The following ZNF805 variants were observed in gnomAD, a reference collection of about 807,000 sequenced individuals.
ZNF805 encodes the protein CTC-444N24.8.
In ZNF805, 7 loss-of-function variants were observed where a neutral mutation model predicts 13.6. The observed-to-expected ratio is 0.51, with a 90% CI of 0.29 to 0.97. The LOEUF is 0.97. ZNF805 is among the 50% of genes least tolerant of loss of function. ZNF805 has a pLI of 0.08. For missense variants in ZNF805, 604 were observed against 771.0 expected, an observed-to-expected ratio of 0.78 and a Z score of 2.57; for synonymous variants, 293 against 279.8, an observed-to-expected ratio of 1.05 and a Z score of -0.47.
rs760646863 is a variant in ZNF805 at position 57,244,002 on chromosome 19, T to C, written c.110T>C (p.Leu37Pro). 1 of 1,614,156 alleles carries C rather than the reference T, an allele frequency of 6.2e-7. No individual in the cohort carries two copies. Among genetic ancestry groups the C allele is most frequent in the South Asian group, 1.1e-5 (1 of 91,088 alleles). The change falls in exon 2 of 4, where the codon CTG becomes CCG. Residue 37 changes from leucine to proline, a missense_variant. Physicochemically the swap from Leu to Pro is moderately conservative, Grantham distance 98 (BLOSUM62 -3). Transcript: ENST00000414468. Reference protein sequence around the residue: ...WGQLDLAQRTLYQEVMLENCG... With the variant: ...WGQLDLAQRTPYQEVMLENCG... ...CAGCTGGACCTAGCTCAGCGGACCC[T>C]GTACCAGGAGGTGATGCTGGAAAAC...
chr19:57,244,690 A>G (rs540674567), intron 2 of ZNF805, among the ~76,000 whole-genome samples: 1 of 152,270 alleles, frequency 6.6e-6, no homozygotes, highest in Non-Finnish European at 1.5e-5. Flanking sequence ...GAGAACCGCC[A>G]CGATGGGGTC....
rs911157034 is a variant in ZNF805, at chr19:57,257,697, T to A, written c.*2994T>A. Among the ~76,000 whole-genome samples, 1 of 120,106 alleles carries A rather than the reference T, an allele frequency of 8.3e-6. No individual in the cohort carries two copies. Among genetic ancestry groups the A allele is most frequent in the Non-Finnish European group, 1.7e-5 (1 of 57,836 alleles). The allele number at this position is 120,106 out of a possible 152,430, so 78.8% of individuals were successfully genotyped here. On this transcript the variant is annotated 3_prime_UTR_variant, in exon 4 of 4. Coordinates refer to ENST00000414468, the MANE Select transcript of ZNF805 (RefSeq NM_001023563.4). ...TGTGGTTTTATATCCAGTTTGCGTA[T>A]CTTTTTTTTTTTTTTTTTTTTTTTT...
Position 57,253,198 on chromosome 19 carries a change from G to T in ZNF805, c.379G>T (p.Asp127Tyr). ...SGDSQLGQPK[D>Y]QDGFSEMQGE... ...GGACTCCCAGTTGGGGCAACCCAAGGATCAGGATGGGTTTTCAGAAATGCA... is the reference window on the plus strand; with the variant it reads ...GGACTCCCAGTTGGGGCAACCCAAGTATCAGGATGGGTTTTCAGAAATGCA... The change falls in exon 4 of 4, where the codon GAT (aspartate) becomes TAT (tyrosine). Residue 127 changes from aspartate (D) to tyrosine (Y), a missense_variant. Around this residue, in one of 3 missense-constraint regions of ZNF805, gnomAD observed 327 missense variants for 378.2 expected, o/e 0.86. Transcript: ENST00000414468. The surrounding 1 kb of genome is among the most constrained non-coding windows in gnomAD (Gnocchi z 4.4). The T allele has an allele frequency of 1.9e-6, 3 of 1,561,752 alleles. No homozygotes were observed. The African/African-American group carries it at 4.1e-5, about 21-fold the overall frequency.
intron 3 of ZNF805, among the ~76,000 whole-genome samples, chr19:57,251,849 A>G (rs943071815): frequency 1.3e-5 from 2 of 152,162 alleles, no homozygotes; most frequent in Non-Finnish European, 2.9e-5. Flanking sequence ...TTCTAGCTCT[A>G]ATTCCTTAGT....
chr19:57,247,651 A>C (rs920368327), intron 2 of ZNF805, among the ~76,000 whole-genome samples: 1 of 152,126 alleles, frequency 6.6e-6, no homozygotes, highest in Admixed American at 6.5e-5. Flanking sequence ...CACCAGTACT[A>C]TTACCGTCGT....
intron 3 of ZNF805, among the ~76,000 whole-genome samples, chr19:57,250,795 A>G (rs2087647248): frequency 6.6e-6 from 1 of 151,826 alleles, no homozygotes; most frequent in East Asian, 1.9e-4. Flanking sequence ...ATTCCTCTCA[A>G]CCTCTCATAT....
rs1372306484 is a variant in ZNF805, at chr19:57,240,842, C to G, written c.-50C>G. ...TGGGGCTCGGCTGAGCCCGCGAGAC[C>G]CGCCCTGCTCGCCGCAGCCCCCGCC... is the stretch of plus-strand genomic sequence containing the variant. On this transcript the variant is annotated 5_prime_UTR_variant, in exon 1 of 4. Coordinates refer to ENST00000414468, the MANE Select transcript of ZNF805 (RefSeq NM_001023563.4). The G allele has an allele frequency of 1.3e-6, 2 of 1,537,080 alleles. No homozygotes were observed. The highest frequency in any genetic ancestry group is 1.2e-5 in the South Asian group (1 of 83,102).
At position 57,259,332 on chromosome 19, in the gene ZNF805, C is replaced by G. The variant is rs967072912; in HGVS notation, c.*4629C>G. ...GTCTCTTGTGCTTTCATGTTTACCC[C>G]CTTTTTCTGGTCTATTTTTCCCTTT... is the stretch of plus-strand genomic sequence containing the variant. On this transcript the variant is annotated 3_prime_UTR_variant, in exon 4 of 4. Transcript: ENST00000414468. Among the ~76,000 whole-genome samples the G allele has an allele frequency of 4.0e-5, 6 of 151,696 alleles. No individual in the cohort carries two copies. Among genetic ancestry groups the G allele is most frequent in the African/African-American group, 1.5e-4 (6 of 41,274 alleles).
rs976697844 is a variant in ZNF805, at chr19:57,261,836, C to G, written c.*7133C>G. 3.6e-5 allele frequency: 6 copies of G among 167,152 alleles called. No individual in the cohort carries two copies. The highest frequency in any genetic ancestry group is 1.4e-4 in the African/African-American group (6 of 41,550). 10.4% of individuals were successfully genotyped at this position (167,152 alleles called of 1,614,324 possible). A position where few individuals can be genotyped will look rare whatever the true frequency, so the allele number is the denominator to read the frequency against. On this transcript the variant is annotated 3_prime_UTR_variant, in exon 4 of 4. Coordinates refer to ENST00000414468, the MANE Select transcript of ZNF805 (RefSeq NM_001023563.4). Reference sequence around the variant, plus strand: ...CCACACCGAAAGAATCCAGAGCAAACTCAGCAAAAGGCTCAAACCCAAGTC... The same window carrying G: ...CCACACCGAAAGAATCCAGAGCAAAGTCAGCAAAAGGCTCAAACCCAAGTC...
Position 57,245,581 on chromosome 19 carries a change from C to T in ZNF805, c.157+1532C>T, listed in dbSNP as rs377708697. On this transcript the variant is annotated intron_variant, in intron 2 of 3. Transcript: ENST00000414468. ...GATCACAAGGTCAGGAGATAGAGAC[C>T]ATCCTGGCTAACACGGTGCAACCCT... Among the ~76,000 whole-genome samples, 988 of 149,016 alleles carry T rather than the reference C, an allele frequency of 6.6e-3. 13 individuals carry two copies. Among genetic ancestry groups the T allele is most frequent in the African/African-American group, 0.021 (842 of 40,104 alleles).
chr19:57,243,178 T>A (rs1352455587), intron 1 of ZNF805, among the ~76,000 whole-genome samples: 2 of 152,158 alleles, frequency 1.3e-5, no homozygotes, highest in Non-Finnish European at 2.9e-5. Flanking sequence ...AGCATGCCAT[T>A]ACACTCCAGT....
intron 2 of ZNF805, among the ~76,000 whole-genome samples, chr19:57,246,851 C>T (rs1028987415): frequency 6.6e-6 from 1 of 152,054 alleles, no homozygotes; most frequent in African/African-American, 2.4e-5. Flanking sequence ...CAGGCCTGTT[C>T]CAGGCAGTGT....
chr19:57,252,614 G>T (rs907926867), intron 3 of ZNF805, among the ~76,000 whole-genome samples: 12 of 152,140 alleles, frequency 7.9e-5, no homozygotes, highest in Non-Finnish European at 1.5e-4. Flanking sequence ...CACAAGCACG[G>T]TTAATCGAGA....
At chr19:57,245,684 C>T (rs867780210) in intron 2 of ZNF805, among the ~76,000 whole-genome samples, 17 of 151,062 alleles carry the variant, frequency 1.1e-4, no homozygotes, top group East Asian at 2.0e-4. Context: ...GAGGCTGAGG[C>T]AGGAGAATGG....
rs1161701951 is a variant in ZNF805, at chr19:57,254,092, A to G, written c.1273A>G (p.Lys425Glu). Reference sequence around the variant, plus strand: ...GCACCAGCGGATTCACACTGGGGAGAAGCCATATGTGTGTAGTGAATGCGG... The same window carrying G: ...GCACCAGCGGATTCACACTGGGGAGGAGCCATATGTGTGTAGTGAATGCGG... ...KRHQRIHTGE[K>E]PYVCSECGKA... The change falls in exon 4 of 4, where the codon AAG becomes GAG. Residue 425 changes from lysine to glutamate, a missense_variant. By Grantham distance (56) the Lys-to-Glu change is moderately conservative (BLOSUM62 1). This residue lies in a region of ZNF805 where 228 missense variants were observed against 352.8 expected (regional missense o/e 0.65). Coordinates refer to ENST00000414468, the MANE Select transcript of ZNF805 (RefSeq NM_001023563.4). 8.7e-6 allele frequency: 14 copies of G among 1,613,456 alleles called. No individual in the cohort carries two copies. In the Admixed American group the frequency reaches 1.0e-4, roughly 12 times the overall value.
rs746261246 is a variant in ZNF805 at position 57,253,858 on chromosome 19, G to A, written c.1039G>A (p.Glu347Lys). 2.5e-6 allele frequency: 4 copies of A among 1,614,138 alleles called. 1 individual carries two copies. Among genetic ancestry groups the A allele is most frequent in the South Asian group, 2.2e-5 (2 of 91,080 alleles). Residue 347 changes from glutamate to lysine, a missense_variant, in exon 4 of 4, where the codon GAA becomes AAA. Transcript: ENST00000414468. This position sits in a 1 kb window ranked among gnomAD's most constrained non-coding sequence, Gnocchi z 4.4. ...HSGENPYECF[E>K]CGKVFKHRSY... The stretch of plus-strand genomic sequence containing the variant: ...TGGTGAGAATCCCTACGAGTGCTTC[G>A]AATGTGGCAAGGTCTTCAAACACAG...
Position 57,254,067 on chromosome 19 carries a change from G to A in ZNF805, c.1248G>A (p.Arg416=). The change falls in exon 4 of 4, where the codon AGG becomes AGA. Residue 416 remains arginine (R), a synonymous_variant. Transcript: ENST00000414468. ...KAFNHRSYLK[R]HQRIHTGEKP... is the part of the protein sequence containing the mutation. ...TCAACCACCGATCCTACCTCAAAAG[G>A]CACCAGCGGATTCACACTGGGGAGA... The A allele has an allele frequency of 6.2e-7, 1 of 1,613,284 alleles. No individual in the cohort carries two copies.
chr19:57,245,580 CCATCCTGGCTAA>C (rs2087609522), intron 2 of ZNF805, among the ~76,000 whole-genome samples: 2 of 149,232 alleles, frequency 1.3e-5, no homozygotes, highest in Non-Finnish European at 3.0e-5. Context: ...GAGATAGAGA[CCATCCTGGCTAA>C]CACGGTGCAA....
rs926011759 is a variant in ZNF805 at position 57,257,383 on chromosome 19, A to G, written c.*2680A>G. On this transcript the variant is annotated 3_prime_UTR_variant, in exon 4 of 4. Coordinates refer to ENST00000414468, the MANE Select transcript of ZNF805 (RefSeq NM_001023563.4). ...CTGAGCTATAATTGTGGAATTACCTATTCCTCCTTTAAGTTCTATCAGTTT... is the reference window on the plus strand; with the variant it reads ...CTGAGCTATAATTGTGGAATTACCTGTTCCTCCTTTAAGTTCTATCAGTTT... 2.0e-5 allele frequency among the ~76,000 whole-genome samples: 3 copies of G among 152,298 alleles called. No homozygotes were observed. The highest frequency in any genetic ancestry group is 3.9e-4 in the East Asian group (2 of 5,186).
Sources: gnomAD v4.1 joint callset for allele counts (sites outside exome capture counted in the v4.1 genomes callset) on GRCh38, gnomAD v4.1.1 for gene constraint, gnomAD v4.1.1 regional missense constraint, Gnocchi (gnomAD v3.1) non-coding constraint, MANE v1.5 for transcripts, NCBI Gene and HGNC (gene_info 2026-07-23, HGNC 2026-07-21) for gene names.